The following NUP43 variants were observed in gnomAD, a reference collection of about 807,000 sequenced individuals.
NUP43 encodes nucleoporin 43, also known as nucleoporin Nup43.
A neutral mutation model predicts 47.3 loss-of-function variants in NUP43; 32 were observed. The observed-to-expected ratio is 0.68, with a 90% CI of 0.51 to 0.91. The LOEUF (loss-of-function observed/expected upper bound fraction) is 0.91. Ranked by LOEUF, NUP43 falls within the 40% of genes least tolerant of loss-of-function variation. The probability of loss-of-function intolerance (pLI) is 0.00; values close to 1 mark genes in which losing one functional copy is unlikely to be tolerated. For missense variants in NUP43, 444 were observed against 453.9 expected, an observed-to-expected ratio of 0.98 and a Z score of 0.20; for synonymous variants, 147 against 158.4, an observed-to-expected ratio of 0.93 and a Z score of 0.54.
In NUP43 at chr6:149,739,317, C is replaced by T. The variant is rs191139648; in HGVS notation, c.503-539G>A. Reference sequence around the variant, plus strand: ...TCTTTTTGTTTTTTGAGATGGATCTCGCTCTGTCACCCAGGCTAGAGGGCA... The same window carrying T: ...TCTTTTTGTTTTTTGAGATGGATCTTGCTCTGTCACCCAGGCTAGAGGGCA... On this transcript the variant is annotated intron_variant, in intron 4 of 7. Coordinates refer to ENST00000340413, the MANE Select transcript of NUP43 (RefSeq NM_198887.3). 3.7e-3 allele frequency among the ~76,000 whole-genome samples: 555 copies of T among 151,910 alleles called. 4 individuals are homozygous for T. Among genetic ancestry groups the T allele is most frequent in the Non-Finnish European group, 5.2e-3 (353 of 67,934 alleles).
At chr6:149,738,122 T>C (rs1448399045) in intron 5 of NUP43, among the ~76,000 whole-genome samples, 1 of 152,208 alleles carries the variant, frequency 6.6e-6, no homozygotes, top group Non-Finnish European at 1.5e-5. Context: ...TGAAAGACAA[T>C]CCGATGGTAA....
chr6:149,745,974 T>C lies in NUP43; in HGVS notation c.209A>G (p.Asp70Gly), dbSNP rs770771320. ...GFEGDHQLLC[D>G]IRHHGDVMDL... ...CATTACATCACCATGGTGTCTGATA[T>C]CACACAATAACTGATGGTCTCCTTC... Residue 70 changes from aspartate to glycine, a missense_variant, in exon 2 of 8, where the codon GAT becomes GGT. Physicochemically the swap from Asp to Gly is moderately conservative, Grantham distance 94. Coordinates refer to ENST00000340413, the MANE Select transcript of NUP43 (RefSeq NM_198887.3). 6 of 1,613,470 alleles carry C rather than the reference T, an allele frequency of 3.7e-6. No homozygotes were observed. The highest frequency in any genetic ancestry group is 3.3e-5 in the South Asian group (3 of 90,934).
chr6:149,731,780 G>T, intron 6 of NUP43, 45 bp from the exon 7 acceptor site: 1 of 1,600,286 alleles, frequency 6.2e-7, no homozygotes, highest in South Asian at 1.1e-5. Flanking sequence ...CAGATTCGCT[G>T]AACAAACAAC....
chr6:149,745,333 G>A (rs889883681), intron 2 of NUP43, among the ~76,000 whole-genome samples: 49 of 151,474 alleles, frequency 3.2e-4, no homozygotes, highest in Non-Finnish European at 4.4e-5. Flanking sequence ...CCGGGAAGCG[G>A]AGGTTGTAGT....
chr6:149,746,396 T>C lies in NUP43; in HGVS notation c.100A>G (p.Thr34Ala), dbSNP rs1270558357. Residue 34 changes from threonine to alanine, a missense_variant, in exon 1 of 8, where the codon ACA becomes GCA. Coordinates refer to ENST00000340413, the MANE Select transcript of NUP43 (RefSeq NM_198887.3). ...GATACCTCATTGTCCCAAGATCCTG[T>C]AGCGAACGTCTCCGCGGTCTGTAAA... ...GSLQTAETFA[T>A]GSWDNEENYI... The C allele has an allele frequency of 6.2e-7, 1 of 1,614,184 alleles. No individual in the cohort carries two copies. Among genetic ancestry groups the C allele is most frequent in the African/African-American group, 1.3e-5 (1 of 75,046 alleles).
At chr6:149,740,332 T>C (rs776832678) in intron 4 of NUP43, among the ~76,000 whole-genome samples, 2 of 93,806 alleles carry the variant, frequency 2.1e-5, no homozygotes, top group Non-Finnish European at 4.6e-5. Flanking sequence ...ATGAAAATCA[T>C]AATAAACAAC....
rs1047023650 is a variant in NUP43 at position 149,728,004 on chromosome 6, C to T, written c.914-806G>A. On this transcript the variant is annotated intron_variant, in intron 7 of 7. Transcript: ENST00000340413. ...ATGTCTTGAAGCTTAAAGATTAGTA[C>T]ATTTAAAATCTTGCTGATCCTTTAA... is the stretch of plus-strand genomic sequence containing the variant. 1.2e-5 allele frequency: 12 copies of T among 985,268 alleles called. No homozygotes were observed. The African/African-American group carries it at 2.1e-4, about 17-fold the overall frequency. 61.0% of individuals were successfully genotyped at this position (985,268 alleles called of 1,614,324 possible). A position where few individuals can be genotyped will look rare whatever the true frequency, so the allele number is the denominator to read the frequency against.
chr6:149,738,976 A>G (rs1342225995), intron 4 of NUP43, among the ~76,000 whole-genome samples, 198 bp from the exon 5 acceptor site: 1 of 151,826 alleles, frequency 6.6e-6, no homozygotes, highest in Admixed American at 6.6e-5. Flanking sequence ...TACTCACAGG[A>G]CATCTGAACT....
In NUP43 at chr6:149,731,642, A is replaced by T. The variant is rs150329472; in HGVS notation, c.884T>A (p.Val295Glu). ...SLWHWDASTDVPEKSSLFHQG... is the reference protein window; with the variant it reads ...SLWHWDASTDEPEKSSLFHQG... ...GTGAAAGAGTGACGACTTTTCAGGT[A>T]CATCTGTGGAAGCATCCCAGTGCCA... Residue 295 changes from valine to glutamate, a missense_variant, in exon 7 of 8, where the codon GTA becomes GAA. Physicochemically the swap from Val to Glu is moderately radical, Grantham distance 121. Coordinates refer to ENST00000340413, the MANE Select transcript of NUP43 (RefSeq NM_198887.3). The T allele has an allele frequency of 1.2e-6, 2 of 1,613,822 alleles. No homozygotes were observed. The highest frequency in any genetic ancestry group is 1.7e-6 in the Non-Finnish European group (2 of 1,179,886).
Position 149,725,564 on chromosome 6 carries a change from C to T in NUP43, c.*1405G>A, listed in dbSNP as rs976500845. On this transcript the variant is annotated 3_prime_UTR_variant, in exon 8 of 8. Coordinates refer to ENST00000340413, the MANE Select transcript of NUP43 (RefSeq NM_198887.3). ...AGATCATGCCATTTCACTCCAGCCT[C>T]AGCAACAAGAGCAAAACTCCATCTC... 6.6e-6 allele frequency: 1 copy of T among 152,036 alleles called. No homozygotes were observed. The highest frequency in any genetic ancestry group is 2.4e-5 in the African/African-American group (1 of 41,380). The allele number at this position is 152,036 out of a possible 1,614,324, so 9.4% of individuals were successfully genotyped here. A position where few individuals can be genotyped will look rare whatever the true frequency, so the allele number is the denominator to read the frequency against.
upstream of NUP43, chr6:149,746,826 T>A: frequency 1.5e-6 from 1 of 682,130 alleles, no homozygotes; most frequent in Non-Finnish European, 2.1e-6. Context: ...AACAATGCAG[T>A]AGAAACCACC....
At chr6:149,728,089 T>C (rs1404612729) in intron 7 of NUP43, 2 of 985,316 alleles carry the variant, frequency 2.0e-6, no homozygotes, top group Admixed American at 1.2e-4. Context: ...TTCATGTTTT[T>C]CTCTTTCCTT....
intron 4 of NUP43, among the ~76,000 whole-genome samples, chr6:149,739,423 A>G (rs1221007980): frequency 6.6e-6 from 1 of 151,584 alleles, no homozygotes; most frequent in Non-Finnish European, 1.5e-5. Flanking sequence ...AGTACCTGGG[A>G]TTACAGGTAC....
At chr6:149,729,609 A>G (rs1784934887) in intron 7 of NUP43, 1 of 826,074 alleles carries the variant, frequency 1.2e-6, no homozygotes, top group South Asian at 5.6e-5. Flanking sequence ...TTTTCTTCCT[A>G]TTTGTTCTCC....
chr6:149,746,626 C>T (rs747670724), upstream of NUP43: 1 of 1,598,610 alleles, frequency 6.3e-7, no homozygotes, highest in Non-Finnish European at 8.5e-7. Context: ...AGTCAATTCT[C>T]GTCGATAGCC....
rs1278448244 is a variant in NUP43, at chr6:149,724,954, A to G, written c.*2015T>C. 6.6e-6 allele frequency: 1 copy of G among 152,154 alleles called. No homozygotes were observed. Among genetic ancestry groups the G allele is most frequent in the Non-Finnish European group, 1.5e-5 (1 of 68,040 alleles). The allele number at this position is 152,154 out of a possible 1,614,324, so 9.4% of individuals were successfully genotyped here. On this transcript the variant is annotated 3_prime_UTR_variant, in exon 8 of 8. Transcript: ENST00000340413. ...GGAATACCATAGAAGGGATGATGAA[A>G]TTTAGGCTGGAGATGATCACCAAGG...
intron 3 of NUP43, among the ~76,000 whole-genome samples, chr6:149,742,900 C>T (rs936756502): frequency 3.9e-5 from 6 of 152,146 alleles, no homozygotes; most frequent in African/African-American, 9.6e-5. Context: ...ATCTGGCCCA[C>T]GGCTGTCGCT....
intron 1 of NUP43, 106 bp from the exon 2 acceptor site, chr6:149,746,168 A>T: frequency 7.2e-7 from 1 of 1,391,334 alleles, no homozygotes; most frequent in Non-Finnish European, 9.9e-7. Flanking sequence ...CTCAAATGGT[A>T]TGGTGAGTTT....
In NUP43 at chr6:149,736,189, A is replaced by G. The variant is rs1298341281; in HGVS notation, c.790+282T>C. ...CTACTCGGGAGGCTGAGGCAGGAGA[A>G]TCGCTTGAACCCAGGAGGCAGAGGT... On this transcript the variant is annotated intron_variant, in intron 6 of 7. Transcript: ENST00000340413. Among the ~76,000 whole-genome samples the G allele has an allele frequency of 3.9e-5, 6 of 151,962 alleles. No homozygotes were observed. In the East Asian group the frequency reaches 1.2e-3, roughly 30 times the overall value.
Sources: allele counts gnomAD v4.1 joint callset (sites outside exome capture counted in the v4.1 genomes callset), GRCh38; gene constraint gnomAD v4.1.1; transcripts MANE v1.5; gene names NCBI Gene and HGNC (gene_info 2026-07-23, HGNC 2026-07-21).